Variants in UVRAG observed in about 807,000 individuals in gnomAD.
UVRAG encodes the protein UV radiation resistance associated, also known as UV radiation resistance-associated gene protein.
A neutral mutation model predicts 78.0 loss-of-function variants in UVRAG; 19 were observed. The ratio of observed to expected loss-of-function variants is 0.24; its 90% confidence interval spans 0.17 to 0.36. The LOEUF is 0.36. Among genes scored for constraint, UVRAG ranks in the 10% least tolerant of loss-of-function variants. The probability of loss-of-function intolerance (pLI) is 1.00; values close to 1 mark genes in which losing one functional copy is unlikely to be tolerated. For synonymous variants in UVRAG, 323 were observed against 324.6 expected, an observed-to-expected ratio of 1.00 and a Z score of 0.05; for missense variants, 740 against 853.8, an observed-to-expected ratio of 0.87 and a Z score of 1.66.
chr11:75,897,759 A>G (rs1590990331), intron 5 of UVRAG, among the ~76,000 whole-genome samples: 1 of 150,432 alleles, frequency 6.6e-6, no homozygotes, highest in East Asian at 2.0e-4. Context: ...CCTGACCTCA[A>G]GTGATCTGCC....
chr11:76,099,382 A>G (rs954964545), intron 13 of UVRAG, among the ~76,000 whole-genome samples: 3 of 152,154 alleles, frequency 2.0e-5, no homozygotes, highest in Non-Finnish European at 4.4e-5. Flanking sequence ...CTGCTTTGTT[A>G]GGGTTCTTAT....
chr11:75,844,313 C>T (rs1406264119), intron 1 of UVRAG, among the ~76,000 whole-genome samples: 13 of 151,758 alleles, frequency 8.6e-5, no homozygotes, highest in African/African-American at 3.1e-4. Flanking sequence ...CTGCAAGTTC[C>T]GCCTCCTGGG....
chr11:75,956,388 C>CTTTTT (rs1319171839), intron 6 of UVRAG, among the ~76,000 whole-genome samples: 4 of 128,780 alleles, frequency 3.1e-5, no homozygotes, highest in African/African-American at 8.6e-5. Flanking sequence ...CAATTCTTGC[C>CTTTTT]TTTTTTTTTT....
intron 11 of UVRAG, among the ~76,000 whole-genome samples, chr11:76,009,888 A>G (rs1950019273): frequency 1.3e-5 from 2 of 152,198 alleles, no homozygotes; most frequent in Admixed American, 1.3e-4. Context: ...CCTGTCTTAT[A>G]TGATTGTTGT....
intron 12 of UVRAG, among the ~76,000 whole-genome samples, chr11:76,046,623 G>C (rs1950762645): frequency 6.6e-6 from 1 of 152,136 alleles, no homozygotes; most frequent in African/African-American, 2.4e-5. Flanking sequence ...TTATGATGTT[G>C]ACCCTAGTGA....
chr11:75,840,797 A>G (rs1945891724), intron 1 of UVRAG, among the ~76,000 whole-genome samples: 2 of 152,230 alleles, frequency 1.3e-5, no homozygotes, highest in African/African-American at 4.8e-5. Flanking sequence ...CCCAGGCACT[A>G]GTTTTAAAGC....
intron 5 of UVRAG, among the ~76,000 whole-genome samples, chr11:75,891,736 C>T (rs374701316): frequency 6.6e-6 from 1 of 152,092 alleles, no homozygotes; most frequent in African/African-American, 2.4e-5. Flanking sequence ...GTAGCAAGAC[C>T]TTGTCTGTAC....
At chr11:76,099,138 A>G (rs988798178) in intron 13 of UVRAG, among the ~76,000 whole-genome samples, 14 of 152,204 alleles carry the variant, frequency 9.2e-5, no homozygotes, top group African/African-American at 3.4e-4. Flanking sequence ...AAATAAGGAA[A>G]TGTGGATTTC....
intron 4 of UVRAG, among the ~76,000 whole-genome samples, chr11:75,882,841 A>G (rs1295676601): frequency 6.6e-6 from 1 of 152,190 alleles, no homozygotes; most frequent in Admixed American, 6.5e-5. Context: ...CAGTGCATAT[A>G]ATATATATGT....
rs182977857 is a variant in UVRAG, at chr11:76,060,797, C to T, written c.1227-4913C>T. On this transcript the variant is annotated intron_variant, in intron 12 of 14. Coordinates refer to ENST00000356136, the MANE Select transcript of UVRAG (RefSeq NM_003369.4). ...TTTCTCGCCAGGCCTCAGCTGCCTC[C>T]CCGTGGGGCAGGGCTTGGGACCTGC... 3.3e-5 allele frequency among the ~76,000 whole-genome samples: 5 copies of T among 152,348 alleles called. No individual in the cohort carries two copies. The South Asian group carries it at 8.3e-4, about 25-fold the overall frequency.
At chr11:76,048,108 T>C (rs996938895) in intron 12 of UVRAG, among the ~76,000 whole-genome samples, 1 of 152,238 alleles carries the variant, frequency 6.6e-6, no homozygotes, top group Non-Finnish European at 1.5e-5. Flanking sequence ...TTGATACATA[T>C]GTGATTGATC....
At chr11:75,867,578 C>T (rs1413902529) in intron 3 of UVRAG, among the ~76,000 whole-genome samples, 1 of 152,134 alleles carries the variant, frequency 6.6e-6, no homozygotes, top group Non-Finnish European at 1.5e-5. Flanking sequence ...ATAAATAGTG[C>T]TGCTATAAAC....
At chr11:75,894,065 G>A (rs892746799) in intron 5 of UVRAG, among the ~76,000 whole-genome samples, 2 of 152,204 alleles carry the variant, frequency 1.3e-5, no homozygotes, top group African/African-American at 4.8e-5. Flanking sequence ...AAAACAGCAA[G>A]GGGTATACAA....
chr11:75,838,444 C>G (rs1443379776), intron 1 of UVRAG, among the ~76,000 whole-genome samples: 1 of 151,856 alleles, frequency 6.6e-6, no homozygotes, highest in Non-Finnish European at 1.5e-5. Context: ...CTCAATCGAT[C>G]CTCCCACCTC....
At chr11:75,986,425 A>C (rs1949502132) in intron 8 of UVRAG, among the ~76,000 whole-genome samples, 1 of 152,134 alleles carries the variant, frequency 6.6e-6, no homozygotes, top group South Asian at 2.1e-4. Context: ...AATTCACCGG[A>C]AGCCTTATAG....
chr11:76,000,400 C>T (rs748104508), intron 8 of UVRAG, among the ~76,000 whole-genome samples: 2 of 151,954 alleles, frequency 1.3e-5, no homozygotes, highest in East Asian at 1.9e-4. Flanking sequence ...GCCAGGAGTT[C>T]GAGACCAGCC....
chr11:76,043,141 T>C (rs763024228), intron 12 of UVRAG, among the ~76,000 whole-genome samples: 2 of 152,206 alleles, frequency 1.3e-5, no homozygotes, highest in South Asian at 4.1e-4. Context: ...TAAAAAATAA[T>C]ATCTGTTGTC....
At chr11:76,140,255 T>G (rs1408697703) in intron 14 of UVRAG, among the ~76,000 whole-genome samples, 9 of 151,528 alleles carry the variant, frequency 5.9e-5, no homozygotes, top group Non-Finnish European at 1.2e-4. Context: ...CATGGGCAAG[T>G]CATGTAAATT....
intron 6 of UVRAG, among the ~76,000 whole-genome samples, chr11:75,913,913 T>C (rs1468764046): frequency 6.6e-6 from 1 of 152,230 alleles, no homozygotes; most frequent in Non-Finnish European, 1.5e-5. Context: ...GGGGAGTTCA[T>C]ATCTAGAGTA....
Sources: gnomAD v4.1 joint callset for allele counts (sites outside exome capture counted in the v4.1 genomes callset) on GRCh38, gnomAD v4.1.1 for gene constraint, MANE v1.5 for transcripts, NCBI Gene and HGNC (gene_info 2026-07-23, HGNC 2026-07-21) for gene names.